RREB1: variants seen among roughly 807,000 people sequenced by gnomAD.
RREB1 encodes the protein ras-responsive element-binding protein 1.
RREB1 carries 27 observed loss-of-function variants against 117.8 expected under a neutral mutation model. The ratio of observed to expected loss-of-function variants is 0.23; its 90% CI spans 0.17 to 0.32. The LOEUF (loss-of-function observed/expected upper bound fraction) is 0.32. Among genes scored for constraint, RREB1 ranks in the 10% least tolerant of loss-of-function variants. The pLI is 1.00. For synonymous variants in RREB1, 1,298 were observed against 1,026.7 expected (o/e 1.26, Z -5.05); for missense variants, 2,577 against 2,378.2 (o/e 1.08, Z -1.74).
chr6:7,237,599 G>A (rs925629955), intron 10 of RREB1, among the ~76,000 whole-genome samples: 5 of 152,224 alleles, frequency 3.3e-5, no homozygotes, highest in African/African-American at 1.2e-4. Context: ...GTAACTCACT[G>A]TGGTTACAGG....
At chr6:7,173,359 A>T (rs1764323392) in intron 1 of RREB1, among the ~76,000 whole-genome samples, 1 of 152,024 alleles carries the variant, frequency 6.6e-6, no homozygotes, top group East Asian at 1.9e-4. Context: ...TCTACTAAAA[A>T]TACAGAAACT....
At chr6:7,246,088 C>A (rs562230345) in intron 11 of RREB1, among the ~76,000 whole-genome samples, 46 of 152,296 alleles carry the variant, frequency 3.0e-4, no homozygotes, top group African/African-American at 1.1e-3. Flanking sequence ...TGGAATGCAC[C>A]CCTCTCCTAT....
At chr6:7,178,869 A>G (rs1764642388) in intron 2 of RREB1, among the ~76,000 whole-genome samples, 1 of 152,196 alleles carries the variant, frequency 6.6e-6, no homozygotes, top group African/African-American at 2.4e-5. Flanking sequence ...TGTTTAGCAA[A>G]TATCTTCCTG....
At chr6:7,209,298 G>A (rs563007926) in intron 6 of RREB1, among the ~76,000 whole-genome samples, 1 of 152,160 alleles carries the variant, frequency 6.6e-6, no homozygotes, top group East Asian at 1.9e-4. Context: ...GAAAGGGCAG[G>A]TTTGATGCTA....
At chr6:7,195,424 G>A (rs939845111) in intron 6 of RREB1, among the ~76,000 whole-genome samples, 4 of 152,128 alleles carry the variant, frequency 2.6e-5, no homozygotes, top group African/African-American at 7.2e-5. Flanking sequence ...TATTTGCCCC[G>A]GTGGATCTGT....
At chr6:7,161,446 G>A (rs1012296668) in intron 1 of RREB1, among the ~76,000 whole-genome samples, 1 of 152,314 alleles carries the variant, frequency 6.6e-6, no homozygotes, top group South Asian at 2.1e-4. Flanking sequence ...AGGATGGTTA[G>A]ACTTGACACA....
intron 1 of RREB1, among the ~76,000 whole-genome samples, chr6:7,124,538 A>G (rs138314571): frequency 3.3e-5 from 5 of 152,314 alleles, no homozygotes; most frequent in African/African-American, 1.2e-4. Context: ...AAGTGGTTAT[A>G]TTACAAATTA....
At chr6:7,208,505 C>T (rs574762223) in intron 6 of RREB1, among the ~76,000 whole-genome samples, 8 of 152,322 alleles carry the variant, frequency 5.3e-5, no homozygotes, top group African/African-American at 1.9e-4. Context: ...ATGTTGTACC[C>T]GGTAGCTGGG....
intron 6 of RREB1, among the ~76,000 whole-genome samples, chr6:7,208,773 A>AGTAACTGT (rs1766418352): frequency 6.6e-6 from 1 of 152,238 alleles, no homozygotes; most frequent in Non-Finnish European, 1.5e-5. Flanking sequence ...TCACTTTGGT[A>AGTAACTGT]GTAACTGTGC....
At chr6:7,108,268 C>T (rs1014768315) in intron 1 of RREB1, among the ~76,000 whole-genome samples, 2 of 151,846 alleles carry the variant, frequency 1.3e-5, no homozygotes, top group African/African-American at 4.8e-5. Flanking sequence ...GCGGGGCGGC[C>T]AGGGATGAGC....
chr6:7,237,381 C>T (rs1287995074), intron 10 of RREB1, among the ~76,000 whole-genome samples: 3 of 151,474 alleles, frequency 2.0e-5, no homozygotes, highest in East Asian at 1.9e-4. Flanking sequence ...GCCTCCGTGC[C>T]GGCCTTTTTT....
In RREB1 at chr6:7,170,234, T is replaced by A. The variant is rs943812482; in HGVS notation, c.-284-6421T>A. 3.3e-5 allele frequency among the ~76,000 whole-genome samples: 5 copies of A among 152,266 alleles called. No homozygotes were observed. In the South Asian group the frequency reaches 1.0e-3, roughly 32 times the overall value. ...CTGGCCTGTGAGAATGACCTCTGATTTTCCTTCCTCCACCCTCTGGTCCCA... is the reference window on the plus strand; with the variant it reads ...CTGGCCTGTGAGAATGACCTCTGATATTCCTTCCTCCACCCTCTGGTCCCA... On this transcript the variant is annotated intron_variant, in intron 1 of 12. Coordinates refer to ENST00000379938, the MANE Select transcript of RREB1 (RefSeq NM_001003699.4).
chr6:7,145,906 A>G (rs1762831224), intron 1 of RREB1, among the ~76,000 whole-genome samples: 2 of 151,968 alleles, frequency 1.3e-5, no homozygotes, highest in Non-Finnish European at 2.9e-5. Flanking sequence ...ATTTGCCAGA[A>G]AGGAGTTAAC....
Position 7,246,740 on chromosome 6 carries a change from G to GGAGGGC in RREB1, c.4293_4298dup (p.Glu1431_Gly1432dup). 6 of 1,575,078 alleles carry GGAGGGC rather than the reference G, an allele frequency of 3.8e-6. No individual in the cohort carries two copies. The highest frequency in any genetic ancestry group is 4.3e-6 in the Non-Finnish European group (5 of 1,160,888). On this transcript the variant is annotated inframe_insertion, in exon 12 of 13. Coordinates refer to ENST00000379938, the MANE Select transcript of RREB1 (RefSeq NM_001003699.4). Reference sequence around the variant, plus strand: ...CCAAGCTCATGGACTTCAAGCTGGCGGAGGGCGACGGCGAGGCAGGCGCCG... The same window carrying GGAGGGC: ...CCAAGCTCATGGACTTCAAGCTGGCGGAGGGCGAGGGCGACGGCGAGGCAGGCGCCG...
intron 1 of RREB1, among the ~76,000 whole-genome samples, chr6:7,113,707 A>G (rs1400886315): frequency 6.6e-6 from 1 of 152,176 alleles, no homozygotes; most frequent in Non-Finnish European, 1.5e-5. Context: ...TATACTGCCT[A>G]TTTATCTCCA....
intron 1 of RREB1, among the ~76,000 whole-genome samples, chr6:7,143,873 A>G (rs1422811411): frequency 3.1e-5 from 2 of 63,568 alleles, no homozygotes; most frequent in Non-Finnish European, 6.2e-5. Context: ...TTTTTTTTGC[A>G]TAGGCCAAAT....
rs1224729211 is a variant in RREB1 at position 7,249,097 on chromosome 6, G to GACAGACAGACAGACAGACAGAC, written c.*130_*131insCAGACAGACAGACAGACAGACA. 5.2e-5 allele frequency: 35 copies of GACAGACAGACAGACAGACAGAC among 670,726 alleles called. No homozygotes were observed. The African/African-American group carries it at 5.4e-4, about 10-fold the overall frequency. The allele number at this position is 670,726 out of a possible 1,614,324, so 41.5% of individuals were successfully genotyped here. On this transcript the variant is annotated 3_prime_UTR_variant, in exon 13 of 13. Coordinates refer to ENST00000379938, the MANE Select transcript of RREB1 (RefSeq NM_001003699.4). ...AGAGAGAGAGAGAGAGAGAGAGAGAGAGAGAGACAAGCAGGAGCGTGGCTG... is the reference window on the plus strand; with the variant it reads ...AGAGAGAGAGAGAGAGAGAGAGAGAGACAGACAGACAGACAGACAGACAGAGAGACAAGCAGGAGCGTGGCTG...
intron 6 of RREB1, among the ~76,000 whole-genome samples, chr6:7,199,318 G>A (rs1357272841): frequency 2.0e-5 from 3 of 152,182 alleles, no homozygotes; most frequent in African/African-American, 4.8e-5. Context: ...TCTGGCTCAC[G>A]TTAGGTGCTC....
intron 10 of RREB1, among the ~76,000 whole-genome samples, chr6:7,239,142 G>A (rs764182355): frequency 2.0e-5 from 3 of 152,208 alleles, no homozygotes; most frequent in Non-Finnish European, 2.9e-5. Flanking sequence ...GGCTTCTATC[G>A]ACATTAATCT....
Sources: allele counts gnomAD v4.1 joint callset (sites outside exome capture counted in the v4.1 genomes callset), GRCh38; gene constraint gnomAD v4.1.1; transcripts MANE v1.5; gene names NCBI Gene and HGNC (gene_info 2026-07-23, HGNC 2026-07-21).